Variants in SWT1 observed in about 807,000 individuals in gnomAD.
SWT1 encodes the protein transcriptional protein SWT1.
In SWT1, 33 loss-of-function variants were observed where a neutral mutation model predicts 107.3. The ratio of observed to expected loss-of-function variants is 0.31; its 90% CI spans 0.23 to 0.41. The LOEUF (loss-of-function observed/expected upper bound fraction) is 0.41, where lower values mean the gene tolerates loss of function less well. Ranked by LOEUF, SWT1 falls within the 10% of genes least tolerant of loss-of-function variation. The pLI, the probability that SWT1 is intolerant of heterozygous loss-of-function variation, is 1.00. For synonymous variants in SWT1, 345 were observed against 348.3 expected (o/e 0.99, Z 0.11); for missense variants, 898 against 1,028.9 (o/e 0.87, Z 1.74).
rs763337340 is a variant in SWT1, at chr1:185,206,714, A to G, written c.1923A>G (p.Glu641=). 8.7e-6 allele frequency: 14 copies of G among 1,608,724 alleles called. No individual in the cohort carries two copies. The Admixed American group carries it at 2.4e-4, about 27-fold the overall frequency. The change falls in exon 13 of 19, where the codon GAA becomes GAG. Residue 641 remains glutamate, a synonymous_variant. Coordinates refer to ENST00000367500, the MANE Select transcript of SWT1 (RefSeq NM_017673.7). Reference sequence around the variant, plus strand: ...TGGCTGTATTTGGATTAGTTATGGAAAAGAACTTGCTTTTAACTATTGAGA... The same window carrying G: ...TGGCTGTATTTGGATTAGTTATGGAGAAGAACTTGCTTTTAACTATTGAGA... ...HWLAVFGLVM[E]KNLLLTIESL... is the part of the protein sequence containing the mutation.
intron 2 of SWT1, among the ~76,000 whole-genome samples, chr1:185,164,629 A>C (rs1247125853): frequency 5.9e-5 from 9 of 152,168 alleles, no homozygotes; most frequent in Admixed American, 5.9e-4. Context: ...TCATTCCTTA[A>C]ACCTCATGAA....
intron 16 of SWT1, among the ~76,000 whole-genome samples, chr1:185,265,031 C>T (rs1663274150): frequency 6.6e-6 from 1 of 152,076 alleles, no homozygotes; most frequent in Admixed American, 6.5e-5. Flanking sequence ...TAAACTCTTC[C>T]TATTCCCACC....
At chr1:185,172,762 G>A (rs1194254913) in intron 4 of SWT1, among the ~76,000 whole-genome samples, 7 of 152,074 alleles carry the variant, frequency 4.6e-5, no homozygotes, top group Admixed American at 3.9e-4. Flanking sequence ...GAAGAAAATG[G>A]TATGGGCCAG....
At chr1:185,227,299 T>C (rs2102551292) in intron 15 of SWT1, 1 of 746,226 alleles carries the variant, frequency 1.3e-6, no homozygotes, top group East Asian at 2.5e-5. Context: ...CCATCGGTGC[T>C]CTCCACATTG....
In SWT1 at chr1:185,242,033, C is replaced by T. The variant is rs80182967; in HGVS notation, c.2441+10325C>T. On this transcript the variant is annotated intron_variant, in intron 16 of 18. Transcript: ENST00000367500. ...TAGATTATTACTTATGGATTACTCT[C>T]TAGATCAACTATGTAAAATAGGGCT... 5.5e-3 allele frequency among the ~76,000 whole-genome samples: 842 copies of T among 152,138 alleles called. 35 individuals carry two copies. In the East Asian group the frequency reaches 0.093, roughly 17 times the overall value.
At chr1:185,159,987 G>T (rs1044544347) in intron 1 of SWT1, among the ~76,000 whole-genome samples, 17 of 152,100 alleles carry the variant, frequency 1.1e-4, no homozygotes, top group African/African-American at 3.9e-4. Context: ...GCCTCCCAAA[G>T]TATTGGGATT....
chr1:185,274,765 C>A (rs1232460499), intron 17 of SWT1, among the ~76,000 whole-genome samples: 1 of 151,940 alleles, frequency 6.6e-6, no homozygotes, highest in Admixed American at 6.6e-5. Flanking sequence ...ATTTTTTTCC[C>A]CTGGAAATTA....
chr1:185,166,685 T>A, intron 3 of SWT1, 33 bp downstream of exon 3: 1 of 1,341,084 alleles, frequency 7.5e-7, no homozygotes, highest in Non-Finnish European at 1.0e-6. Context: ...CTAAAAGTTA[T>A]TTATGCTAAA....
At chr1:185,170,427 A>G (rs767232527) in intron 4 of SWT1, among the ~76,000 whole-genome samples, 1 of 152,154 alleles carries the variant, frequency 6.6e-6, no homozygotes, top group Non-Finnish European at 1.5e-5. Flanking sequence ...AAATCCTGTC[A>G]TGGCCTAAGT....
chr1:185,208,097 AATT>A (rs1293709301), intron 13 of SWT1, among the ~76,000 whole-genome samples: 3 of 152,176 alleles, frequency 2.0e-5, no homozygotes, highest in African/African-American at 7.2e-5. Context: ...TAAATAATTA[AATT>A]ATTAAAGGCA....
intron 15 of SWT1, among the ~76,000 whole-genome samples, chr1:185,225,668 G>C (rs75048203): frequency 0.011 from 1,733 of 152,170 alleles, 55 homozygotes; most frequent in East Asian, 0.076. Context: ...GGAGCAATAG[G>C]CTATACCATA....
rs371086093 is a variant in SWT1, at chr1:185,188,538, T to G, written c.1430-2011T>G. Among the ~76,000 whole-genome samples, 271 of 152,362 alleles carry G rather than the reference T, an allele frequency of 1.8e-3. 2 individuals carry two copies. The highest frequency in any genetic ancestry group is 6.2e-3 in the African/African-American group (259 of 41,574). ...TCACATCTTCCTCACACTCATGTCCTGACATAGTTGAGCTCTGTCTAGATT... is the reference window on the plus strand; with the variant it reads ...TCACATCTTCCTCACACTCATGTCCGGACATAGTTGAGCTCTGTCTAGATT... On this transcript the variant is annotated intron_variant, in intron 9 of 18. Transcript: ENST00000367500.
chr1:185,172,096 T>C (rs916373288), intron 4 of SWT1, among the ~76,000 whole-genome samples: 2 of 152,252 alleles, frequency 1.3e-5, no homozygotes, highest in African/African-American at 2.4e-5. Context: ...CTGTGTCCTC[T>C]ACTGCCTCTT....
chr1:185,277,097 A>G (rs1453061940), intron 18 of SWT1, among the ~76,000 whole-genome samples: 1 of 152,202 alleles, frequency 6.6e-6, no homozygotes, highest in African/African-American at 2.4e-5. Flanking sequence ...ACATTTTTGC[A>G]AATCTTTTAA....
chr1:185,188,582 A>G (rs1191664839), intron 9 of SWT1, among the ~76,000 whole-genome samples: 2 of 152,226 alleles, frequency 1.3e-5, no homozygotes, highest in Non-Finnish European at 2.9e-5. Flanking sequence ...ATGAACTCCT[A>G]AAGAGTTTGT....
At chr1:185,226,803 G>A (rs1179381238) in intron 15 of SWT1, 9 of 1,377,260 alleles carry the variant, frequency 6.5e-6, no homozygotes, top group African/African-American at 1.5e-5. Flanking sequence ...AAATTGTTTG[G>A]TTTAGCTCTC....
chr1:185,289,840 G>A (rs1358383365), intron 18 of SWT1, among the ~76,000 whole-genome samples: 1 of 152,178 alleles, frequency 6.6e-6, no homozygotes, highest in Non-Finnish European at 1.5e-5. Flanking sequence ...GGGCTAGGAG[G>A]ATGGGGGGCT....
chr1:185,281,799 AGAGAAAAAG>A (rs1664641101), intron 18 of SWT1: 1 of 153,544 alleles, frequency 6.5e-6, no homozygotes, highest in African/African-American at 2.4e-5. Flanking sequence ...TGATGAAAGA[AGAGAAAAAG>A]GAGAAAAAGT....
At chr1:185,226,202 A>G (rs943700314) in intron 15 of SWT1, among the ~76,000 whole-genome samples, 3 of 152,130 alleles carry the variant, frequency 2.0e-5, no homozygotes, top group South Asian at 2.1e-4. Flanking sequence ...GTTGGATGCT[A>G]GGGAGTTTTG....
Sources: gnomAD v4.1 joint callset for allele counts (sites outside exome capture counted in the v4.1 genomes callset) on GRCh38, gnomAD v4.1.1 for gene constraint, MANE v1.5 for transcripts, NCBI Gene and HGNC (gene_info 2026-07-23, HGNC 2026-07-21) for gene names.